STK10: variants seen among roughly 807,000 people sequenced by gnomAD.
STK10 encodes serine/threonine-protein kinase 10.
Under a neutral mutation model 113.8 loss-of-function variants are expected in STK10, and 78 were observed. The observed-to-expected ratio is 0.69, with a 90% confidence interval of 0.57 to 0.83. The LOEUF (loss-of-function observed/expected upper bound fraction) is 0.83. Among genes scored for constraint, STK10 ranks in the 40% least tolerant of loss-of-function variants. STK10 has a pLI of 0.00. For synonymous variants in STK10, 465 were observed against 494.7 expected (o/e 0.94, Z 0.80); for missense variants, 1,109 against 1,280.1 (o/e 0.87, Z 2.04).
chr5:172,159,205 A>G (rs1770413759), intron 1 of STK10, among the ~76,000 whole-genome samples: 1 of 152,186 alleles, frequency 6.6e-6, no homozygotes, highest in Admixed American at 6.6e-5. Context: ...ATGCTGCAGC[A>G]AACATCTCAC....
intron 12 of STK10, among the ~76,000 whole-genome samples, chr5:172,068,598 C>G (rs1451609768): frequency 6.6e-6 from 1 of 152,134 alleles, no homozygotes; most frequent in Non-Finnish European, 1.5e-5. Flanking sequence ...TTTAAAATCT[C>G]AATGACCATT....
At chr5:172,046,373 A>AAT (rs1554114677) in intron 18 of STK10, among the ~76,000 whole-genome samples, 238 of 150,294 alleles carry the variant, frequency 1.6e-3, no homozygotes, top group Middle Eastern at 6.8e-3. Flanking sequence ...AAAAAAAAAA[A>AAT]TTTTTTTTAC....
intron 1 of STK10, among the ~76,000 whole-genome samples, chr5:172,157,281 G>A (rs1030757241): frequency 5.3e-5 from 8 of 152,074 alleles, no homozygotes; most frequent in East Asian, 1.9e-4. Context: ...AATCTAGGCC[G>A]GGTGCGGTGG....
At chr5:172,110,446 A>G (rs186999658) in intron 4 of STK10, among the ~76,000 whole-genome samples, 2 of 152,216 alleles carry the variant, frequency 1.3e-5, no homozygotes, top group Non-Finnish European at 2.9e-5. Context: ...ACCTGGCAAA[A>G]CCCCCGGAAT....
At chr5:172,112,396 A>G (rs1021790686) in intron 4 of STK10, among the ~76,000 whole-genome samples, 2 of 149,196 alleles carry the variant, frequency 1.3e-5, no homozygotes, top group African/African-American at 4.9e-5. Context: ...TGGTGGGGGC[A>G]GTGCACAGAA....
rs181445991 is a variant in STK10, at chr5:172,180,374, A to G, written c.156+7513T>C. On this transcript the variant is annotated intron_variant, in intron 1 of 18. Coordinates refer to ENST00000176763, the MANE Select transcript of STK10 (RefSeq NM_005990.4). ...CAGCTACTTGAGAGGCCAAGGCAGG[A>G]GAATCACTTGAACCTGGGAGGCGGA... 3.9e-5 allele frequency among the ~76,000 whole-genome samples: 6 copies of G among 152,346 alleles called. No individual in the cohort carries two copies. In the East Asian group the frequency reaches 1.2e-3, roughly 29 times the overall value.
At chr5:172,114,320 G>T (rs1275073424) in intron 4 of STK10, among the ~76,000 whole-genome samples, 1 of 148,320 alleles carries the variant, frequency 6.7e-6, no homozygotes, top group African/African-American at 2.6e-5. Flanking sequence ...GTGTGTATGT[G>T]TGTTTTCTGA....
intron 1 of STK10, among the ~76,000 whole-genome samples, chr5:172,159,463 GC>G (rs1335572778): frequency 9.9e-5 from 15 of 152,046 alleles, no homozygotes; most frequent in Non-Finnish European, 1.8e-4. Flanking sequence ...GATCACTTGA[GC>G]CCAGGAGACG....
At chr5:172,185,261 A>ATGTTTGTTTTGTTTTGTTT (rs1270095481) in intron 1 of STK10, among the ~76,000 whole-genome samples, 10 of 151,526 alleles carry the variant, frequency 6.6e-5, no homozygotes, top group Non-Finnish European at 1.5e-4. Flanking sequence ...AAAAGCCCAT[A>ATGTTTGTTTTGTTTTGTTT]TGTTTGTTTT....
chr5:172,147,668 A>T lies in STK10; in HGVS notation c.321+8956T>A, dbSNP rs956956695. Among the ~76,000 whole-genome samples the T allele has an allele frequency of 5.3e-5, 8 of 152,196 alleles. No homozygotes were observed. In the East Asian group the frequency reaches 1.3e-3, roughly 26 times the overall value. On this transcript the variant is annotated intron_variant, in intron 2 of 18. Transcript: ENST00000176763. Reference sequence around the variant, plus strand: ...TGGCCTCCCTAAGTGCTGGGATTACAGGCGTGAGCCACTGTGCCCAGCCTC... The same window carrying T: ...TGGCCTCCCTAAGTGCTGGGATTACTGGCGTGAGCCACTGTGCCCAGCCTC...
intron 5 of STK10, 158 bp from the exon 6 acceptor site, chr5:172,106,972 C>CG: frequency 1.5e-6 from 1 of 666,266 alleles, no homozygotes; most frequent in Non-Finnish European, 2.4e-6. Context: ...TTCCTTAGGA[C>CG]GCTCTTCCAC....
chr5:172,044,621 T>C lies in STK10; in HGVS notation c.*261A>G, dbSNP rs1360565638. 3.5e-5 allele frequency: 19 copies of C among 549,198 alleles called. 1 individual carries two copies. The highest frequency in any genetic ancestry group is 6.1e-5 in the Non-Finnish European group (19 of 308,982). 34.0% of individuals were successfully genotyped at this position (549,198 alleles called of 1,614,324 possible). A position where few individuals can be genotyped will look rare whatever the true frequency, so the allele number is the denominator to read the frequency against. On this transcript the variant is annotated 3_prime_UTR_variant, in exon 19 of 19. Transcript: ENST00000176763. This position sits in a 1 kb window ranked among gnomAD's most constrained non-coding sequence, Gnocchi z 4.5. ...CACCAACAGCCCCATCCCTTCCAGC[T>C]TGAAGGGATCTGGGGCTCAAGGAGA...
chr5:172,101,470 CAAAAAAAAA>C (rs796588690), intron 7 of STK10, among the ~76,000 whole-genome samples: 4,775 of 72,640 alleles, frequency 0.066, 262 homozygotes, highest in African/African-American at 0.17. Context: ...ACTCCGTCTC[CAAAAAAAAA>C]AAAAAAAAAG....
chr5:172,098,174 G>A (rs1768900418), intron 7 of STK10, among the ~76,000 whole-genome samples: 1 of 152,180 alleles, frequency 6.6e-6, no homozygotes, highest in Non-Finnish European at 1.5e-5. Context: ...TCTAGCACCT[G>A]GAAAACACAT....
chr5:172,109,960 T>C (rs1769201476), intron 4 of STK10, among the ~76,000 whole-genome samples: 2 of 152,248 alleles, frequency 1.3e-5, no homozygotes, highest in Admixed American at 1.3e-4. Context: ...CCTTTCAGAC[T>C]TGCAACGTGA....
chr5:172,073,957 T>G (rs1768254846), intron 12 of STK10, among the ~76,000 whole-genome samples: 3 of 147,750 alleles, frequency 2.0e-5, no homozygotes, highest in Admixed American at 2.0e-4. Context: ...AGAGCAAGAC[T>G]CTGTCTCAAA....
At chr5:172,166,407 G>A (rs1284306845) in intron 1 of STK10, among the ~76,000 whole-genome samples, 1 of 152,104 alleles carries the variant, frequency 6.6e-6, no homozygotes, top group Non-Finnish European at 1.5e-5. Flanking sequence ...CCCTCTCTCT[G>A]GGGCTGTTCC....
chr5:172,067,390 T>C (rs1443335857), intron 12 of STK10, among the ~76,000 whole-genome samples: 1 of 61,828 alleles, frequency 1.6e-5, no homozygotes, highest in Non-Finnish European at 3.4e-5. Context: ...AATAAATAAA[T>C]AAATAAATAA....
intron 1 of STK10, among the ~76,000 whole-genome samples, chr5:172,164,585 A>G (rs1770530502): frequency 6.6e-6 from 1 of 152,204 alleles, no homozygotes; most frequent in South Asian, 2.1e-4. Context: ...TGTATCTGAC[A>G]GCTTTGCCAG....
Sources: allele counts gnomAD v4.1 joint callset (sites outside exome capture counted in the v4.1 genomes callset), GRCh38; gene constraint gnomAD v4.1.1; non-coding constraint Gnocchi (gnomAD v3.1); transcripts MANE v1.5; gene names NCBI Gene and HGNC (gene_info 2026-07-23, HGNC 2026-07-21).